Variants in NEGR1 observed in about 807,000 individuals in gnomAD.
NEGR1 encodes the protein IgLON family member 4.
In NEGR1, 10 loss-of-function variants were observed where a neutral mutation model predicts 40.9. The ratio of observed to expected loss-of-function variants is 0.24; its 90% CI spans 0.15 to 0.42. The LOEUF (loss-of-function observed/expected upper bound fraction) is 0.42, where lower values mean the gene tolerates loss of function less well. Ranked by LOEUF, NEGR1 falls within the 10% of genes least tolerant of loss-of-function variation. The pLI is 1.00. For synonymous variants in NEGR1, 185 were observed against 166.8 expected, an observed-to-expected ratio of 1.11 and a Z score of -0.84; for missense variants, 352 against 438.9, an observed-to-expected ratio of 0.80 and a Z score of 1.77.
chr1:72,163,729 AATAGATAGATAG>A (rs756796363), intron 1 of NEGR1, among the ~76,000 whole-genome samples: 2 of 60,334 alleles, frequency 3.3e-5, no homozygotes, highest in Admixed American at 4.3e-4. Flanking sequence ...ACAGATATCT[AATAGATAGATAG>A]ATAGATAGAT....
At chr1:71,669,044 G>T (rs994149570) in intron 4 of NEGR1, among the ~76,000 whole-genome samples, 1 of 152,008 alleles carries the variant, frequency 6.6e-6, no homozygotes, top group Non-Finnish European at 1.5e-5. Context: ...ATCAATTTAT[G>T]CTTTATATAT....
chr1:71,885,502 T>C (rs1240539017), intron 2 of NEGR1, among the ~76,000 whole-genome samples: 1 of 152,184 alleles, frequency 6.6e-6, no homozygotes, highest in Non-Finnish European at 1.5e-5. Context: ...GCACGTTAGC[T>C]GTTTTTTAAA....
chr1:71,951,259 A>G (rs1321400371), intron 1 of NEGR1, among the ~76,000 whole-genome samples: 1 of 151,974 alleles, frequency 6.6e-6, no homozygotes, highest in Non-Finnish European at 1.5e-5. Context: ...GTTGCCTTTC[A>G]TCTTTACCAA....
chr1:72,083,269 C>T (rs1268358058), intron 1 of NEGR1, among the ~76,000 whole-genome samples: 1 of 151,948 alleles, frequency 6.6e-6, no homozygotes, highest in South Asian at 2.1e-4. Context: ...TGCCTGCCTG[C>T]CTCCTTCCCT....
intron 4 of NEGR1, among the ~76,000 whole-genome samples, chr1:71,626,074 T>A (rs1159075185): frequency 6.6e-6 from 1 of 151,718 alleles, no homozygotes. Context: ...GGTGGAACAG[T>A]CCCACCATCC....
intron 4 of NEGR1, among the ~76,000 whole-genome samples, chr1:71,624,918 A>T (rs572246048): frequency 6.6e-6 from 1 of 152,126 alleles, no homozygotes; most frequent in Admixed American, 6.6e-5. Context: ...ATTGGAATGT[A>T]CAATTCACAA....
intron 1 of NEGR1, among the ~76,000 whole-genome samples, chr1:72,249,113 G>A (rs1034428016): frequency 2.6e-5 from 4 of 152,118 alleles, no homozygotes; most frequent in African/African-American, 7.2e-5. Flanking sequence ...TATGTCATGG[G>A]AGCAGAGCCC....
intron 1 of NEGR1, among the ~76,000 whole-genome samples, chr1:72,244,366 GA>G (rs1654838120): frequency 6.6e-6 from 1 of 151,622 alleles, no homozygotes; most frequent in South Asian, 2.1e-4. Context: ...CATAATTCAG[GA>G]TATTTCTACC....
intron 1 of NEGR1, among the ~76,000 whole-genome samples, chr1:72,195,673 T>A (rs1237947086): frequency 6.6e-6 from 1 of 151,746 alleles, no homozygotes; most frequent in Non-Finnish European, 1.5e-5. Context: ...TTAACAGCCA[T>A]ATAGCTTTAT....
intron 6 of NEGR1, among the ~76,000 whole-genome samples, chr1:71,442,595 C>T (rs1236532877): frequency 6.6e-6 from 1 of 152,074 alleles, no homozygotes; most frequent in Non-Finnish European, 1.5e-5. Flanking sequence ...GCTTGGGAGA[C>T]AGAGTGAGAC....
chr1:71,962,545 A>G (rs1482847977), intron 1 of NEGR1, among the ~76,000 whole-genome samples: 4 of 152,074 alleles, frequency 2.6e-5, no homozygotes, highest in African/African-American at 9.7e-5. Context: ...ATGATATTAC[A>G]TTATAATGAA....
chr1:71,967,960 T>C (rs1260013336), intron 1 of NEGR1, among the ~76,000 whole-genome samples: 17 of 152,196 alleles, frequency 1.1e-4, no homozygotes, highest in Admixed American at 1.1e-3. Context: ...TATAGTAATG[T>C]GTGATGATTA....
chr1:72,233,852 G>A (rs149898693), intron 1 of NEGR1, among the ~76,000 whole-genome samples: 4 of 151,880 alleles, frequency 2.6e-5, no homozygotes, highest in African/African-American at 9.7e-5. Context: ...TGGTTTTAGT[G>A]GTTTGAGAAA....
intron 2 of NEGR1, among the ~76,000 whole-genome samples, chr1:71,844,606 G>T (rs535375521): frequency 3.9e-5 from 6 of 152,262 alleles, no homozygotes; most frequent in African/African-American, 1.4e-4. Context: ...CCGTTTGCAC[G>T]TATTGAAACC....
intron 1 of NEGR1, among the ~76,000 whole-genome samples, chr1:72,080,262 T>A (rs965194713): frequency 6.6e-6 from 1 of 152,124 alleles, no homozygotes; most frequent in South Asian, 2.1e-4. Context: ...TAATCTTGCA[T>A]CTTTATAGGC....
chr1:71,977,773 C>CA (rs35651349), intron 1 of NEGR1, among the ~76,000 whole-genome samples: 2,013 of 86,388 alleles, frequency 0.023, 46 homozygotes, highest in African/African-American at 0.059. Context: ...AAGTAGAAGT[C>CA]AAAAAAAAAA....
intron 2 of NEGR1, among the ~76,000 whole-genome samples, chr1:71,827,168 C>T (rs1034342733): frequency 1.3e-5 from 2 of 150,150 alleles, no homozygotes; most frequent in Non-Finnish European, 3.0e-5. Flanking sequence ...AAAAAAGGAG[C>T]TTTTTTTTCT....
At chr1:71,461,799 T>G (rs1001153503) in intron 6 of NEGR1, 1 of 152,152 alleles carries the variant, frequency 6.6e-6, no homozygotes, top group Admixed American at 6.6e-5. Context: ...TATGAAGAGG[T>G]TGAGAGAATA....
intron 4 of NEGR1, among the ~76,000 whole-genome samples, chr1:71,646,625 A>G (rs1302970937): frequency 6.6e-6 from 1 of 151,844 alleles, no homozygotes; most frequent in Non-Finnish European, 1.5e-5. Context: ...TGAGCACCAC[A>G]CATTTGAAAA....
Sources: gnomAD v4.1 joint callset for allele counts (sites outside exome capture counted in the v4.1 genomes callset) on GRCh38, gnomAD v4.1.1 for gene constraint, MANE v1.5 for transcripts, NCBI Gene and HGNC (gene_info 2026-07-23, HGNC 2026-07-21) for gene names.